Variants in AAK1 observed in about 807,000 individuals in gnomAD.
AAK1 encodes the protein AP2-associated protein kinase 1.
Under a neutral mutation model 116.0 loss-of-function variants are expected in AAK1, and 37 were observed. That is an observed-to-expected ratio of 0.32 (90% CI 0.25 to 0.42). The LOEUF is 0.42. Ranked by LOEUF, AAK1 falls within the 10% of genes least tolerant of loss-of-function variation. The pLI is 1.00. For missense variants in AAK1, 919 were observed against 1,170.6 expected (o/e 0.79, Z 3.14); for synonymous variants, 458 against 439.9 (o/e 1.04, Z -0.51).
intron 5 of AAK1, among the ~76,000 whole-genome samples, chr2:69,541,884 T>C (rs529153278): frequency 2.0e-4 from 30 of 152,376 alleles, no homozygotes; most frequent in Middle Eastern, 6.8e-3. Context: ...ATTCTGGCAC[T>C]GTCCTTCCTA....
intron 6 of AAK1, 59 bp from the exon 7 acceptor site, chr2:69,530,765 A>T: frequency 7.5e-7 from 1 of 1,334,444 alleles, no homozygotes; most frequent in Non-Finnish European, 1.1e-6. Context: ...AAAAACCAGG[A>T]GCAGCAGAAA....
intron 17 of AAK1, among the ~76,000 whole-genome samples, chr2:69,490,247 CAG>C (rs1270635837): frequency 6.6e-6 from 1 of 152,090 alleles, no homozygotes; most frequent in Non-Finnish European, 1.5e-5. Flanking sequence ...CTATGGAAAA[CAG>C]TGGTCCTCAA....
At chr2:69,628,203 T>C (rs1248835624) in intron 2 of AAK1, among the ~76,000 whole-genome samples, 6 of 152,100 alleles carry the variant, frequency 3.9e-5, no homozygotes, top group Non-Finnish European at 7.4e-5. Context: ...CCTGGCACTT[T>C]GGGAGGCCGA....
At position 69,475,827 on chromosome 2, in the gene AAK1, C is replaced by T. The variant is rs777146686; in HGVS notation, c.*42G>A. 1.5e-5 allele frequency: 23 copies of T among 1,560,196 alleles called. No homozygotes were observed. The highest frequency in any genetic ancestry group is 6.9e-5 in the East Asian group (3 of 43,568). On this transcript the variant is annotated 3_prime_UTR_variant, in exon 22 of 22. Coordinates refer to ENST00000409085, the MANE Select transcript of AAK1 (RefSeq NM_014911.5). The stretch of plus-strand genomic sequence containing the variant: ...AACTCCGTAATGAAAATGTATTTTA[C>T]GGTATGAAGGTTACAGAACTGCATC...
At chr2:69,480,784 T>C (rs566437983) in intron 19 of AAK1, 76 bp downstream of exon 19, 2 of 1,294,344 alleles carry the variant, frequency 1.5e-6, no homozygotes, top group South Asian at 2.7e-5. Context: ...CAGGAACGAC[T>C]GAGCCAGGTG....
chr2:69,612,585 T>C (rs1034827693), intron 2 of AAK1, among the ~76,000 whole-genome samples: 1 of 152,208 alleles, frequency 6.6e-6, no homozygotes, highest in Non-Finnish European at 1.5e-5. Context: ...TGTTTTCACA[T>C]TGTTTGATAT....
At chr2:69,560,081 T>C (rs947093891) in intron 2 of AAK1, among the ~76,000 whole-genome samples, 2 of 152,218 alleles carry the variant, frequency 1.3e-5, no homozygotes, top group Non-Finnish European at 2.9e-5. Flanking sequence ...AGCCACATTG[T>C]CAAGCATCTA....
chr2:69,563,127 T>C (rs748317727), intron 2 of AAK1, among the ~76,000 whole-genome samples: 72 of 152,274 alleles, frequency 4.7e-4, no homozygotes, highest in Admixed American at 1.3e-3. Flanking sequence ...ACCATGATAT[T>C]CAATTCAGCA....
At chr2:69,598,039 G>T in intron 2 of AAK1, 1 of 432,702 alleles carries the variant, frequency 2.3e-6, no homozygotes, top group Non-Finnish European at 3.9e-6. Context: ...TGTTAGCACT[G>T]TGCTTAGAGG....
intron 17 of AAK1, 125 bp downstream of exon 17, chr2:69,495,860 C>T: frequency 1.4e-6 from 1 of 726,818 alleles, no homozygotes; most frequent in Non-Finnish European, 2.2e-6. Context: ...AAATATACAA[C>T]AGCAGCCTAT....
At chr2:69,561,901 A>G (rs1195023984) in intron 2 of AAK1, among the ~76,000 whole-genome samples, 1 of 152,234 alleles carries the variant, frequency 6.6e-6, no homozygotes, top group Non-Finnish European at 1.5e-5. Context: ...ATTCATCTTC[A>G]TCGTTCCATG....
Position 69,466,477 on chromosome 2 carries a change from G to C in AAK1, c.*9392C>G. ...CTGGAGGGGTCTGGATACAGCGGAAGGCCTTTAACACCCAGTGATTCTTTA... is the reference window on the plus strand; with the variant it reads ...CTGGAGGGGTCTGGATACAGCGGAACGCCTTTAACACCCAGTGATTCTTTA... On this transcript the variant is annotated 3_prime_UTR_variant, in exon 22 of 22. Coordinates refer to ENST00000409085, the MANE Select transcript of AAK1 (RefSeq NM_014911.5). 7.8e-7 allele frequency: 1 copy of C among 1,275,034 alleles called. No individual in the cohort carries two copies. The highest frequency in any genetic ancestry group is 1.0e-6 in the Non-Finnish European group (1 of 979,826). The allele number at this position is 1,275,034 out of a possible 1,614,324, so 79.0% of individuals were successfully genotyped here.
At chr2:69,520,382 C>T (rs1018599356) in intron 11 of AAK1, among the ~76,000 whole-genome samples, 12 of 131,290 alleles carry the variant, frequency 9.1e-5, no homozygotes, top group African/African-American at 2.5e-4. Flanking sequence ...TTTTTTGAAG[C>T]GGAGTTTCAC....
At chr2:69,583,610 G>A (rs931604686) in intron 2 of AAK1, among the ~76,000 whole-genome samples, 2 of 152,158 alleles carry the variant, frequency 1.3e-5, no homozygotes, top group Admixed American at 1.3e-4. Flanking sequence ...CCTGGGTCTC[G>A]GCTTCATGGC....
At chr2:69,634,257 T>C (rs1675351257) in intron 2 of AAK1, among the ~76,000 whole-genome samples, 1 of 152,244 alleles carries the variant, frequency 6.6e-6, no homozygotes, top group South Asian at 2.1e-4. Context: ...CCTATACTTG[T>C]AGCTAGGAGC....
chr2:69,607,636 T>C (rs1476860338), intron 2 of AAK1, among the ~76,000 whole-genome samples: 1 of 152,188 alleles, frequency 6.6e-6, no homozygotes, highest in Non-Finnish European at 1.5e-5. Flanking sequence ...TTCTAGATTA[T>C]ACTTATAATA....
chr2:69,642,827 T>A, intron 2 of AAK1, 51 bp downstream of exon 2: 1 of 1,611,042 alleles, frequency 6.2e-7, no homozygotes, highest in Non-Finnish European at 8.5e-7. Flanking sequence ...ACCACAGTAT[T>A]GCCGCATCAG....
chr2:69,517,500 T>G (rs1402953183), intron 12 of AAK1, among the ~76,000 whole-genome samples: 1 of 151,902 alleles, frequency 6.6e-6, no homozygotes, highest in East Asian at 1.9e-4. Context: ...GGAAACGCAG[T>G]CTTCAGGGAA....
intron 2 of AAK1, among the ~76,000 whole-genome samples, chr2:69,604,793 C>T (rs1156802927): frequency 2.0e-5 from 3 of 152,082 alleles, no homozygotes; most frequent in African/African-American, 4.8e-5. Context: ...CCCAACTGCA[C>T]CCCAGCCTCT....
Sources: gnomAD v4.1 joint callset for allele counts (sites outside exome capture counted in the v4.1 genomes callset) on GRCh38, gnomAD v4.1.1 for gene constraint, MANE v1.5 for transcripts, NCBI Gene and HGNC (gene_info 2026-07-23, HGNC 2026-07-21) for gene names.